CCSER1: variants seen among roughly 807,000 people sequenced by gnomAD.
CCSER1 encodes serine-rich coiled-coil domain-containing protein 1.
In CCSER1, 41 loss-of-function variants were observed where a neutral mutation model predicts 82.0. The observed-to-expected ratio is 0.50, with a 90% CI of 0.39 to 0.65. The LOEUF (loss-of-function observed/expected upper bound fraction) is 0.65, where lower values mean the gene tolerates loss of function less well. Ranked by LOEUF, CCSER1 falls within the 30% of genes least tolerant of loss-of-function variation. CCSER1 has a pLI of 0.00. For synonymous variants in CCSER1, 414 were observed against 383.9 expected, an observed-to-expected ratio of 1.08 and a Z score of -0.92; for missense variants, 1,119 against 1,064.2, an observed-to-expected ratio of 1.05 and a Z score of -0.72.
At chr4:90,920,610 T>G (rs1728231024) in intron 8 of CCSER1, among the ~76,000 whole-genome samples, 4 of 151,858 alleles carry the variant, frequency 2.6e-5, no homozygotes, top group African/African-American at 9.7e-5. Context: ...AGCTTCTACA[T>G]TCCAAATTAT....
At chr4:90,219,667 A>G (rs1005036935) in intron 1 of CCSER1, among the ~76,000 whole-genome samples, 1 of 152,114 alleles carries the variant, frequency 6.6e-6, no homozygotes, top group African/African-American at 2.4e-5. Context: ...AGATCCCACT[A>G]CTTGTATTGG....
intron 9 of CCSER1, among the ~76,000 whole-genome samples, chr4:90,924,808 C>A (rs1035393942): frequency 2.2e-4 from 34 of 152,168 alleles, no homozygotes; most frequent in Admixed American, 1.1e-3. Flanking sequence ...CTCACTGCAA[C>A]CTCCGCCTCC....
rs751416943 is a variant in CCSER1 at position 91,365,763 on chromosome 4, AG to A, written c.2218-232806del. On this transcript the variant is annotated intron_variant, in intron 10 of 10. Transcript: ENST00000509176. ...GACAGGGATGAAGTGGCGTGGTCAG[AG>A]GGAGATCTGCATGAACCTAAGCCTA... is the stretch of plus-strand genomic sequence containing the variant. Among the ~76,000 whole-genome samples, 269 of 152,266 alleles carry A rather than the reference AG, an allele frequency of 1.8e-3. 1 individual carries two copies. The highest frequency in any genetic ancestry group is 2.3e-3 in the Non-Finnish European group (159 of 68,018).
At chr4:90,909,731 G>T (rs939070343) in intron 8 of CCSER1, among the ~76,000 whole-genome samples, 10 of 152,182 alleles carry the variant, frequency 6.6e-5, no homozygotes, top group Non-Finnish European at 1.5e-4. Flanking sequence ...ATTGGTAAGA[G>T]TATTAAACTA....
intron 1 of CCSER1, among the ~76,000 whole-genome samples, chr4:90,204,355 G>A (rs1264954936): frequency 1.3e-5 from 2 of 152,138 alleles, no homozygotes; most frequent in Non-Finnish European, 2.9e-5. Context: ...AATCCATCTT[G>A]AGTTAATTTT....
intron 10 of CCSER1, among the ~76,000 whole-genome samples, chr4:91,438,575 C>T (rs1326107074): frequency 3.9e-5 from 6 of 152,164 alleles, no homozygotes; most frequent in Admixed American, 2.0e-4. Context: ...AAGCAGAGCG[C>T]CTCTCCTCCT....
chr4:90,973,990 A>G (rs1404393101), intron 9 of CCSER1, among the ~76,000 whole-genome samples: 1 of 151,518 alleles, frequency 6.6e-6, no homozygotes, highest in Non-Finnish European at 1.5e-5. Context: ...GATCTCACTC[A>G]TATGGAAAAT....
chr4:91,210,367 G>A (rs1384467467), intron 10 of CCSER1, among the ~76,000 whole-genome samples: 1 of 150,954 alleles, frequency 6.6e-6, no homozygotes, highest in Non-Finnish European at 1.5e-5. Flanking sequence ...GTTTGATGGG[G>A]GATGTCATAT....
chr4:91,298,149 C>T (rs1036090953), intron 10 of CCSER1, among the ~76,000 whole-genome samples: 6 of 151,938 alleles, frequency 3.9e-5, no homozygotes, highest in African/African-American at 1.4e-4. Flanking sequence ...AGTAAAGGGG[C>T]TATCAAGTAG....
intron 8 of CCSER1, among the ~76,000 whole-genome samples, chr4:90,843,712 T>C (rs1320037273): frequency 6.6e-6 from 1 of 152,184 alleles, no homozygotes; most frequent in Non-Finnish European, 1.5e-5. Flanking sequence ...GGTCAAGCCA[T>C]TTGGTACAAA....
chr4:91,172,098 A>G (rs890871881), intron 10 of CCSER1, among the ~76,000 whole-genome samples: 1 of 152,184 alleles, frequency 6.6e-6, no homozygotes, highest in Non-Finnish European at 1.5e-5. Context: ...GGATATTAAT[A>G]TAAAATCCCA....
chr4:91,493,105 A>G (rs942297275), intron 10 of CCSER1, among the ~76,000 whole-genome samples: 1 of 151,956 alleles, frequency 6.6e-6, no homozygotes, highest in Admixed American at 6.6e-5. Flanking sequence ...TAAGTTTTCC[A>G]TAGAAGTAAA....
chr4:91,078,251 G>C (rs1722247188), intron 9 of CCSER1, among the ~76,000 whole-genome samples: 1 of 152,278 alleles, frequency 6.6e-6, no homozygotes, highest in East Asian at 1.9e-4. Context: ...AGCTTCCAGA[G>C]GAAGGATTAG....
At position 91,488,860 on chromosome 4, in the gene CCSER1, T is replaced by C. The variant is rs145274954; in HGVS notation, c.2218-109712T>C. Among the ~76,000 whole-genome samples, 362 of 152,330 alleles carry C rather than the reference T, an allele frequency of 2.4e-3. 2 individuals are homozygous for C. The highest frequency in any genetic ancestry group is 8.3e-3 in the African/African-American group (345 of 41,586). ...GAAATAAACAAAGCCCCTGCGGTCA[T>C]AGACTGTACTGCATTGTAGTAAGGG... On this transcript the variant is annotated intron_variant, in intron 10 of 10. Transcript: ENST00000509176.
chr4:90,561,062 G>T (rs1170731667), intron 5 of CCSER1, among the ~76,000 whole-genome samples: 1 of 152,126 alleles, frequency 6.6e-6, no homozygotes, highest in African/African-American at 2.4e-5. Flanking sequence ...TTATCACACT[G>T]CTATAAAAAT....
chr4:90,129,982 G>A (rs945143775), intron 1 of CCSER1, among the ~76,000 whole-genome samples: 2 of 152,104 alleles, frequency 1.3e-5, no homozygotes, highest in Non-Finnish European at 1.5e-5. Flanking sequence ...TCCTATTTAT[G>A]AGTATTTTGT....
intron 7 of CCSER1, chr4:90,781,971 A>G (rs1288126806): frequency 1.1e-6 from 1 of 887,762 alleles, no homozygotes; most frequent in Admixed American, 6.2e-5. Context: ...CGATATAGGA[A>G]CAAAAATAAA....
intron 5 of CCSER1, among the ~76,000 whole-genome samples, chr4:90,483,071 A>G (rs1440991343): frequency 6.6e-6 from 1 of 152,130 alleles, no homozygotes; most frequent in African/African-American, 2.4e-5. Context: ...TTGGGTGCAT[A>G]TATATTTAGG....
intron 9 of CCSER1, among the ~76,000 whole-genome samples, chr4:91,025,016 G>T (rs1359736981): frequency 6.6e-6 from 1 of 152,072 alleles, no homozygotes; most frequent in Non-Finnish European, 1.5e-5. Flanking sequence ...GTTTACAAAG[G>T]AGTCTGTCCT....
Sources: gnomAD v4.1 joint callset for allele counts (sites outside exome capture counted in the v4.1 genomes callset) on GRCh38, gnomAD v4.1.1 for gene constraint, MANE v1.5 for transcripts, NCBI Gene and HGNC (gene_info 2026-07-23, HGNC 2026-07-21) for gene names.